The following ANK3 variants were observed in gnomAD, a reference collection of about 807,000 sequenced individuals.
ANK3 encodes ankyrin-3.
ANK3 carries 57 observed loss-of-function variants against 370.9 expected under a neutral mutation model. The observed-to-expected ratio is 0.15, with a 90% CI of 0.12 to 0.19. The LOEUF is 0.19. Ranked by LOEUF, ANK3 falls within the 10% of genes least tolerant of loss-of-function variation. The pLI is 1.00. For missense variants in ANK3, 4,439 were observed against 5,302.1 expected (o/e 0.84, Z 5.06); for synonymous variants, 1,929 against 1,946.3 (o/e 0.99, Z 0.23).
At chr10:60,421,695 C>T (rs1184000733) in intron 2 of ANK3, among the ~76,000 whole-genome samples, 1 of 152,074 alleles carries the variant, frequency 6.6e-6, no homozygotes, top group African/African-American at 2.4e-5. Flanking sequence ...TAGACAGGCA[C>T]TCCAAGGGTG....
At chr10:60,508,817 T>G (rs549163072) in intron 2 of ANK3, among the ~76,000 whole-genome samples, 11 of 152,282 alleles carry the variant, frequency 7.2e-5, no homozygotes, top group African/African-American at 1.9e-4. Flanking sequence ...CTATAAATTC[T>G]TTGACAGATA....
chr10:60,649,389 A>G (rs1333721730), intron 1 of ANK3, among the ~76,000 whole-genome samples: 6 of 152,236 alleles, frequency 3.9e-5, no homozygotes, highest in African/African-American at 1.2e-4. Flanking sequence ...CATTTAAGCT[A>G]TAAAAGCACA....
chr10:60,042,901 A>G, intron 42 of ANK3, 142 bp from the exon 43 acceptor site: 2 of 1,482,722 alleles, frequency 1.3e-6, no homozygotes, highest in Non-Finnish European at 1.8e-6. Flanking sequence ...AAATACGTAC[A>G]ATCTTTAGCT....
intron 4 of ANK3, among the ~76,000 whole-genome samples, chr10:60,277,374 A>G (rs1282065833): frequency 4.6e-5 from 7 of 152,228 alleles, no homozygotes; most frequent in African/African-American, 9.6e-5. Flanking sequence ...TGGAAATTAT[A>G]AAAATAGGCT....
At chr10:60,226,573 T>TACTATATA (rs1491139456) in intron 8 of ANK3, among the ~76,000 whole-genome samples, 3 of 20,916 alleles carry the variant, frequency 1.4e-4, no homozygotes, top group Admixed American at 5.5e-4. Flanking sequence ...ACATAGTATA[T>TACTATATA]GTATATATAC....
intron 23 of ANK3, among the ~76,000 whole-genome samples, chr10:60,149,448 A>C (rs1198413807): frequency 6.6e-6 from 1 of 152,162 alleles, no homozygotes; most frequent in Non-Finnish European, 1.5e-5. Flanking sequence ...AATATTCAAA[A>C]TTACAATTTG....
intron 1 of ANK3, among the ~76,000 whole-genome samples, chr10:60,633,420 T>A (rs577581866): frequency 1.3e-5 from 2 of 152,298 alleles, no homozygotes; most frequent in East Asian, 3.9e-4. Context: ...GGAGTTTTTT[T>A]AAGCAAATAC....
At chr10:60,240,306 A>ATGTTTTT (rs11282162) in intron 7 of ANK3, among the ~76,000 whole-genome samples, 1 of 119,772 alleles carries the variant, frequency 8.3e-6, no homozygotes, top group Non-Finnish European at 1.7e-5. Context: ...ATATATATAT[A>ATGTTTTT]TTTTTTTTTC....
chr10:60,064,668 C>T (rs1458079526), intron 38 of ANK3, among the ~76,000 whole-genome samples: 11 of 110,432 alleles, frequency 1.0e-4, no homozygotes, highest in Admixed American at 6.8e-4. Context: ...TCTCCATACA[C>T]ACAGCAACAA....
chr10:60,440,364 G>A (rs958849238), intron 2 of ANK3, among the ~76,000 whole-genome samples: 2 of 152,116 alleles, frequency 1.3e-5, no homozygotes, highest in Non-Finnish European at 2.9e-5. Flanking sequence ...GGAGGCCTCA[G>A]GAAACTTACA....
In ANK3 at chr10:60,064,173, G is replaced by A. The variant is rs145440946; in HGVS notation, c.12435C>T (p.Asp4145=). The A allele has an allele frequency of 1.2e-4, 186 of 1,553,230 alleles. 2 individuals are homozygous for A. In the East Asian group the frequency reaches 2.3e-3, roughly 19 times the overall value. ...TCGGCATACTTGTGGCATTTTTTCC[G>A]TCTCTGGTAACCCATTTTTTTAATA... ...FMLLKKWVTR[D]GKNATTDALT... is the part of the protein sequence containing the mutation. The change falls in exon 39 of 44, where the codon GAC becomes GAT. Residue 4145 remains aspartate, a synonymous_variant. Coordinates refer to ENST00000280772, the MANE Select transcript of ANK3 (RefSeq NM_020987.5).
chr10:60,087,009 A>AC lies in ANK3; in HGVS notation c.3541-126dup, dbSNP rs3045338. 47 of 667,346 alleles carry AC rather than the reference A, an allele frequency of 7.0e-5. No homozygotes were observed. In the Admixed American group the frequency reaches 9.1e-4, roughly 13 times the overall value. 41.3% of individuals were successfully genotyped at this position (667,346 alleles called of 1,614,324 possible). A position where few individuals can be genotyped will look rare whatever the true frequency, so the allele number is the denominator to read the frequency against. ...AGACAACCAAAAAAAAAAAAAAAAA[A>AC]CCCAGGTCTTTTTTAACCTTTCTTA... On this transcript the variant is annotated intron_variant, in intron 29 of 43. Transcript: ENST00000280772.
At chr10:60,667,184 C>T (rs200089746) in intron 1 of ANK3, among the ~76,000 whole-genome samples, 5 of 143,262 alleles carry the variant, frequency 3.5e-5, no homozygotes, top group African/African-American at 5.1e-5. Flanking sequence ...TATATTATAT[C>T]ATATTATATT....
chr10:60,181,864 G>A (rs61845856), intron 17 of ANK3, among the ~76,000 whole-genome samples: 105 of 152,238 alleles, frequency 6.9e-4, no homozygotes, highest in South Asian at 1.2e-3. Flanking sequence ...ATGACTATCT[G>A]TAGGCTGCAT....
chr10:60,505,090 G>A (rs2075901041), intron 2 of ANK3, among the ~76,000 whole-genome samples: 1 of 152,074 alleles, frequency 6.6e-6, no homozygotes, highest in South Asian at 2.1e-4. Flanking sequence ...TAATATTTCA[G>A]CGCTCTCTAC....
At chr10:60,192,455 C>A (rs910015280) in intron 16 of ANK3, among the ~76,000 whole-genome samples, 1 of 150,738 alleles carries the variant, frequency 6.6e-6, no homozygotes, top group Admixed American at 6.6e-5. Context: ...AATTTATGTG[C>A]GTGTATACAT....
intron 1 of ANK3, chr10:60,684,579 G>T (rs1273381229): frequency 2.5e-6 from 4 of 1,587,738 alleles, no homozygotes; most frequent in Admixed American, 3.4e-5. Context: ...ACATTGTTAT[G>T]CTGGGTTTGG....
chr10:60,510,914 T>G (rs1019906914), intron 2 of ANK3, among the ~76,000 whole-genome samples: 1 of 152,174 alleles, frequency 6.6e-6, no homozygotes, highest in African/African-American at 2.4e-5. Flanking sequence ...AGCCTATGCC[T>G]CTACACTGTA....
intron 2 of ANK3, among the ~76,000 whole-genome samples, chr10:60,604,740 G>A (rs2078107515): frequency 6.6e-6 from 1 of 152,166 alleles, no homozygotes; most frequent in Non-Finnish European, 1.5e-5. Flanking sequence ...TTTCTCCAAT[G>A]CCCATCTATA....
Sources: gnomAD v4.1 joint callset for allele counts (sites outside exome capture counted in the v4.1 genomes callset) on GRCh38, gnomAD v4.1.1 for gene constraint, MANE v1.5 for transcripts, NCBI Gene and HGNC (gene_info 2026-07-23, HGNC 2026-07-21) for gene names.